MMADHC: variants seen among roughly 807,000 people sequenced by gnomAD.
MMADHC encodes cobalamin trafficking protein CblD.
MMADHC carries 23 observed loss-of-function variants against 36.3 expected under a neutral mutation model. The observed-to-expected ratio is 0.63, with a 90% confidence interval of 0.46 to 0.90. The LOEUF is 0.90. Among genes scored for constraint, MMADHC ranks in the 40% least tolerant of loss-of-function variants. MMADHC has a pLI of 0.00. For missense variants in MMADHC, 330 were observed against 348.0 expected (o/e 0.95, Z 0.41); for synonymous variants, 97 against 116.1 (o/e 0.84, Z 1.06).
chr2:149,582,204 A>C lies in MMADHC; in HGVS notation c.77T>G (p.Val26Gly). The C allele has an allele frequency of 6.2e-7, 1 of 1,613,958 alleles. No individual in the cohort carries two copies. Among genetic ancestry groups the C allele is most frequent in the South Asian group, 1.1e-5 (1 of 91,078 alleles). ...PGFCSLVKRV[V>G]NPKAFSTAGS... ...TGCAGTCGAAAAGGCTTTGGGATTG[A>C]CAACCCTTTTAACTAAAGAGCAAAA... The change falls in exon 3 of 8, where the codon GTC becomes GGC. Residue 26 changes from valine (V) to glycine (G), a missense_variant. Physicochemically the swap from Val to Gly is moderately radical, Grantham distance 109 (BLOSUM62 -3). Coordinates refer to ENST00000303319, the MANE Select transcript of MMADHC (RefSeq NM_015702.3).
intron 7 of MMADHC, among the ~76,000 whole-genome samples, chr2:149,570,626 C>T (rs926711147): frequency 1.5e-4 from 23 of 152,156 alleles, no homozygotes; most frequent in Non-Finnish European, 1.8e-4. Context: ...AATGTGACTA[C>T]AGTGGTAGTT....
chr2:149,584,355 T>C (rs1374689212), intron 2 of MMADHC, among the ~76,000 whole-genome samples: 3 of 152,230 alleles, frequency 2.0e-5, no homozygotes, highest in African/African-American at 4.8e-5. Flanking sequence ...GTGCTGTACA[T>C]ATACATTGTT....
chr2:149,582,690 C>T (rs1176466762), intron 2 of MMADHC, among the ~76,000 whole-genome samples: 1 of 152,150 alleles, frequency 6.6e-6, no homozygotes, highest in Non-Finnish European at 1.5e-5. Flanking sequence ...TCTTTTACTG[C>T]TATAAATTGC....
chr2:149,573,170 T>C (rs75557095), intron 6 of MMADHC, among the ~76,000 whole-genome samples: 2,304 of 152,248 alleles, frequency 0.015, 57 homozygotes, highest in African/African-American at 0.052. Flanking sequence ...TCGCAGGAGA[T>C]GAGACCAAAC....
chr2:149,587,274 C>G, intron 1 of MMADHC, 125 bp from the exon 2 acceptor site: 1 of 673,524 alleles, frequency 1.5e-6, no homozygotes, highest in South Asian at 1.7e-5. Context: ...AAGCTCTCCC[C>G]GTACCCTAAG....
At chr2:149,575,869 A>T (rs751635092) in intron 5 of MMADHC, 28 bp from the exon 6 acceptor site, 2 of 1,533,322 alleles carry the variant, frequency 1.3e-6, no homozygotes, top group Non-Finnish European at 1.8e-6. Context: ...CATTCCAGGT[A>T]GAAAAGAATT....
chr2:149,578,930 A>C (rs923244063), intron 4 of MMADHC, among the ~76,000 whole-genome samples: 4 of 150,900 alleles, frequency 2.7e-5, no homozygotes, highest in African/African-American at 7.3e-5. Context: ...AAAAAAAAAA[A>C]CCCAAACAAA....
In MMADHC at chr2:149,575,755, A is replaced by C. The variant is rs765734196; in HGVS notation, c.565T>G (p.Trp189Gly). The C allele has an allele frequency of 1.2e-6, 2 of 1,609,448 alleles. No individual in the cohort carries two copies. Residue 189 changes from tryptophan to glycine, a missense_variant, in exon 6 of 8, where the codon TGG (tryptophan) becomes GGG (glycine). Physicochemically the swap from Trp to Gly is radical, Grantham distance 184 (BLOSUM62 -2). Transcript: ENST00000303319. ...CTTTCAATTTCTACTTCTTCACTCCAAACAGTCATATCATTCTTAGTTTTT... is the reference window on the plus strand; with the variant it reads ...CTTTCAATTTCTACTTCTTCACTCCCAACAGTCATATCATTCTTAGTTTTT... ...TQKTKNDMTV[W>G]SEEVEIEREV... is the part of the protein sequence containing the mutation.
chr2:149,583,387 G>C (rs1159561063), intron 2 of MMADHC, among the ~76,000 whole-genome samples: 2 of 152,176 alleles, frequency 1.3e-5, no homozygotes, highest in East Asian at 1.9e-4. Context: ...AATTCAGTGA[G>C]GGTAGGTATA....
chr2:149,579,216 A>T (rs1203210904), intron 4 of MMADHC, among the ~76,000 whole-genome samples: 1 of 152,114 alleles, frequency 6.6e-6, no homozygotes, highest in Non-Finnish European at 1.5e-5. Context: ...GAAATATTTT[A>T]AAAATATTAT....
At chr2:149,581,168 G>C (rs1351522400) in intron 3 of MMADHC, among the ~76,000 whole-genome samples, 1 of 152,098 alleles carries the variant, frequency 6.6e-6, no homozygotes, top group East Asian at 1.9e-4. Flanking sequence ...TTCTGTGAAA[G>C]GCCTATTCAT....
At chr2:149,579,745 C>A in intron 3 of MMADHC, 97 bp from the exon 4 acceptor site, 2 of 1,044,788 alleles carry the variant, frequency 1.9e-6, no homozygotes, top group Non-Finnish European at 2.8e-6. Flanking sequence ...ATATTTTTAT[C>A]TAAAAGATCT....
At chr2:149,584,479 G>A (rs1682835014) in intron 2 of MMADHC, among the ~76,000 whole-genome samples, 1 of 151,992 alleles carries the variant, frequency 6.6e-6, no homozygotes, top group Non-Finnish European at 1.5e-5. Flanking sequence ...AGAAGGAGGA[G>A]GAAGATCATC....
chr2:149,585,263 C>T (rs1304740916), intron 2 of MMADHC, among the ~76,000 whole-genome samples: 1 of 152,032 alleles, frequency 6.6e-6, no homozygotes, highest in Non-Finnish European at 1.5e-5. Context: ...ATTCAAACTT[C>T]TAGACTTGGG....
intron 3 of MMADHC, among the ~76,000 whole-genome samples, chr2:149,581,524 G>A (rs926788531): frequency 6.6e-6 from 1 of 152,066 alleles, no homozygotes; most frequent in Non-Finnish European, 1.5e-5. Context: ...TCCAAGGCAG[G>A]AATATGGCAT....
chr2:149,582,464 CAAGT>C (rs1225390224), intron 2 of MMADHC, among the ~76,000 whole-genome samples, 193 bp from the exon 3 acceptor site: 1 of 151,722 alleles, frequency 6.6e-6, no homozygotes, highest in Non-Finnish European at 1.5e-5. Context: ...ATTAAAAAAA[CAAGT>C]AATAAGTTAG....
chr2:149,578,031 A>AAAC (rs369345545), intron 4 of MMADHC, among the ~76,000 whole-genome samples: 1,705 of 152,152 alleles, frequency 0.011, 59 homozygotes, highest in Admixed American at 0.076. Flanking sequence ...CAAACAAACC[A>AAAC]AACAACAACA....
At chr2:149,572,249 G>A (rs1162719375) in intron 6 of MMADHC, 4 of 425,128 alleles carry the variant, frequency 9.4e-6, no homozygotes, top group South Asian at 4.9e-5. Flanking sequence ...TGAAGCAGAA[G>A]AATTGCTTGA....
At chr2:149,585,070 AAAG>A (rs1354368197) in intron 2 of MMADHC, among the ~76,000 whole-genome samples, 2 of 152,002 alleles carry the variant, frequency 1.3e-5, no homozygotes, top group South Asian at 4.1e-4. Flanking sequence ...AAAAGAAAAA[AAAG>A]AAGAAAAACA....
Sources: allele counts gnomAD v4.1 joint callset (sites outside exome capture counted in the v4.1 genomes callset), GRCh38; gene constraint gnomAD v4.1.1; transcripts MANE v1.5; gene names NCBI Gene and HGNC (gene_info 2026-07-23, HGNC 2026-07-21).